SKIC8: variants seen among roughly 807,000 people sequenced by gnomAD.
SKIC8 encodes the protein SKI8 subunit of superkiller complex.
the SKIC8 span, chr15:78,289,807 G>A: frequency 4.0e-6 from 6 of 1,513,238 alleles, no homozygotes; most frequent in South Asian, 2.3e-5. Flanking sequence ...CTATCTACAG[G>A]TCTAACTGGC....
the SKIC8 span, among the ~76,000 whole-genome samples, chr15:78,296,630 C>T: frequency 0.19 from 28,167 of 151,748 alleles, 3,150 homozygotes; most frequent in Admixed American, 0.31. Flanking sequence ...CACCTCAGCC[C>T]GAGTGGCTGG....
chr15:78,288,771 CG>C, the SKIC8 span: 1 of 342,668 alleles, frequency 2.9e-6, no homozygotes. Flanking sequence ...AATGTGAGGA[CG>C]TAATAAATTC....
chr15:78,294,805 G>C, the SKIC8 span: 6 of 768,282 alleles, frequency 7.8e-6, no homozygotes, highest in African/African-American at 8.8e-5. Context: ...TTTTTTAAGA[G>C]TATTTGTTTT....
At chr15:78,285,981 T>A in the SKIC8 span, 2 of 1,404,248 alleles carry the variant, frequency 1.4e-6, no homozygotes, top group East Asian at 4.6e-5. Context: ...AGGCAATCTA[T>A]ACAAGAAGAC....
the SKIC8 span, among the ~76,000 whole-genome samples, chr15:78,289,115 G>A: frequency 2.0e-5 from 3 of 152,112 alleles, no homozygotes; most frequent in Non-Finnish European, 4.4e-5. Flanking sequence ...GTATGTCTAG[G>A]TTAAATCTAT....
the SKIC8 span, chr15:78,288,313 T>C: frequency 6.2e-7 from 1 of 1,613,916 alleles, no homozygotes; most frequent in Non-Finnish European, 8.5e-7. Context: ...GATGTAGCCA[T>C]CATCTGAAGC....
the SKIC8 span, chr15:78,295,455 A>T: frequency 1.5e-6 from 1 of 688,020 alleles, no homozygotes; most frequent in Non-Finnish European, 2.6e-6. Context: ...TTACTCACTA[A>T]ATTGTGGTAA....
At chr15:78,293,414 G>T in the SKIC8 span, 1 of 746,554 alleles carries the variant, frequency 1.3e-6, no homozygotes, top group Non-Finnish European at 2.1e-6. Flanking sequence ...AGCTTTTATT[G>T]AAATTTTGGG....
the SKIC8 span, chr15:78,286,143 G>C: frequency 6.5e-7 from 1 of 1,548,046 alleles, no homozygotes; most frequent in East Asian, 2.2e-5. Context: ...TCTGAAATGG[G>C]AAAGTTTCAA....
At chr15:78,288,329 C>T in the SKIC8 span, 2 of 1,613,896 alleles carry the variant, frequency 1.2e-6, no homozygotes, top group East Asian at 2.2e-5. Context: ...GAAGCAGTGA[C>T]AAGGAGCTGG....
the SKIC8 span, chr15:78,292,486 CA>C: frequency 6.1e-6 from 6 of 976,134 alleles, no homozygotes; most frequent in African/African-American, 9.7e-5. Context: ...ATGTGAAATA[CA>C]GTTCATGCAC....
chr15:78,295,401 CTTTTT>C, the SKIC8 span: 245 of 394,562 alleles, frequency 6.2e-4, no homozygotes, highest in East Asian at 8.4e-4. Flanking sequence ...CTATTCTGAT[CTTTTT>C]TTTTTTTTTT....
At chr15:78,287,539 G>C in the SKIC8 span, among the ~76,000 whole-genome samples, 1 of 152,172 alleles carries the variant, frequency 6.6e-6, no homozygotes, top group Non-Finnish European at 1.5e-5. Flanking sequence ...CATGGCTAAG[G>C]TTGGAGTGTG....
chr15:78,283,424 T>C, the SKIC8 span: 1 of 1,609,444 alleles, frequency 6.2e-7, no homozygotes, highest in African/African-American at 1.3e-5. Flanking sequence ...GCCTGGAGAC[T>C]TTGATGTTTA....
At chr15:78,299,119 AC>A in the SKIC8 span, among the ~76,000 whole-genome samples, 4 of 152,174 alleles carry the variant, frequency 2.6e-5, no homozygotes, top group African/African-American at 4.8e-5. Flanking sequence ...TCAACAGCCC[AC>A]AGTATTGCAC....
At chr15:78,285,869 T>C in the SKIC8 span, 1 of 514,654 alleles carries the variant, frequency 1.9e-6, no homozygotes, top group Non-Finnish European at 3.5e-6. Flanking sequence ...TGTTGACTTT[T>C]GTTCCAGCTA....
the SKIC8 span, chr15:78,289,625 G>A: frequency 6.2e-7 from 1 of 1,610,556 alleles, no homozygotes; most frequent in South Asian, 1.1e-5. Context: ...ATACCTTCCA[G>A]GGTATGCAGA....
chr15:78,285,683 T>G, the SKIC8 span: 1 of 443,654 alleles, frequency 2.3e-6, no homozygotes, highest in Non-Finnish European at 4.0e-6. Context: ...TCTCCTGCTT[T>G]CCAACTGTCT....
chr15:78,293,086 C>T, the SKIC8 span: 3 of 1,262,930 alleles, frequency 2.4e-6, no homozygotes, highest in East Asian at 2.3e-5. Flanking sequence ...AAAGTATTTC[C>T]CGGACTGCAA....
Sources: gnomAD v4.1 joint callset for allele counts (sites outside exome capture counted in the v4.1 genomes callset) on GRCh38, gnomAD v4.1.1 for gene constraint, MANE v1.5 for transcripts, NCBI Gene and HGNC (gene_info 2026-07-23, HGNC 2026-07-21) for gene names.